Variants in CLEC2A observed in about 807,000 individuals in gnomAD.
The protein encoded by CLEC2A is C-type lectin domain family 2 member A, also known as keratinocyte-associated C-type lectin.
Under a neutral mutation model 18.6 loss-of-function variants are expected in CLEC2A, and 19 were observed. The observed-to-expected ratio is 1.02, with a 90% CI of 0.71 to 1.50. The LOEUF is 1.50. Ranked by LOEUF, CLEC2A falls within the 40% of genes most tolerant of loss-of-function variation. The pLI is 0.00. For missense variants in CLEC2A, 190 were observed against 207.9 expected (o/e 0.91, Z 0.53); for synonymous variants, 74 against 64.0 (o/e 1.16, Z -0.75).
chr12:9,899,095 A>G, intron 4 of CLEC2A: 1 of 557,210 alleles, frequency 1.8e-6, no homozygotes, highest in Non-Finnish European at 3.3e-6. Flanking sequence ...TTGCACAGGG[A>G]GAGGCAGGCG....
intron 4 of CLEC2A, among the ~76,000 whole-genome samples, chr12:9,899,492 G>A (rs1312239472): frequency 1.3e-5 from 2 of 152,196 alleles, no homozygotes; most frequent in Non-Finnish European, 2.9e-5. Flanking sequence ...TTGAGAAAGA[G>A]GGGAGCAGGT....
At chr12:9,928,901 AAAATGTAT>A (rs1863324078) in intron 1 of CLEC2A, among the ~76,000 whole-genome samples, 1 of 152,214 alleles carries the variant, frequency 6.6e-6, no homozygotes, top group African/African-American at 2.4e-5. Context: ...TTGAAGTACA[AAAATGTAT>A]AAGTGTTTTG....
intron 3 of CLEC2A, among the ~76,000 whole-genome samples, chr12:9,919,001 T>C (rs151172964): frequency 6.6e-6 from 1 of 152,318 alleles, no homozygotes; most frequent in East Asian, 1.9e-4. Flanking sequence ...ATCCAGTAGG[T>C]TGCGCTTGGA....
chr12:9,917,168 T>C (rs575164518), intron 3 of CLEC2A, among the ~76,000 whole-genome samples: 50 of 152,360 alleles, frequency 3.3e-4, no homozygotes, highest in Non-Finnish European at 8.8e-5. Context: ...TAGTCACTGC[T>C]CTATTGGCTT....
chr12:9,918,148 T>C (rs1007831043), intron 3 of CLEC2A, among the ~76,000 whole-genome samples: 2 of 152,158 alleles, frequency 1.3e-5, no homozygotes, highest in African/African-American at 4.8e-5. Flanking sequence ...CTATTGCTTT[T>C]GTTGTCTTTG....
At chr12:9,909,654 T>C (rs537744316), downstream of CLEC2A, among the ~76,000 whole-genome samples, 1 of 152,202 alleles carries the variant, frequency 6.6e-6, no homozygotes, top group Non-Finnish European at 1.5e-5. Flanking sequence ...TCAGAGCTGA[T>C]TCCCCAGGGA....
chr12:9,928,228 G>A (rs1465250371), intron 1 of CLEC2A, among the ~76,000 whole-genome samples: 2 of 152,160 alleles, frequency 1.3e-5, no homozygotes, highest in Non-Finnish European at 2.9e-5. Flanking sequence ...CACTTTGGGA[G>A]GCCAAGGAGG....
At chr12:9,906,850 TTC>T (rs1200923281) in intron 4 of CLEC2A, among the ~76,000 whole-genome samples, 1 of 152,214 alleles carries the variant, frequency 6.6e-6, no homozygotes, top group Non-Finnish European at 1.5e-5. Flanking sequence ...AACATATGTG[TTC>T]TCTTTTTAGG....
the CLEC2A span, among the ~76,000 whole-genome samples, chr12:9,880,082 C>T: frequency 6.6e-6 from 1 of 152,098 alleles, no homozygotes; most frequent in Admixed American, 6.6e-5. Context: ...GGAATAGATG[C>T]CACACTACAG....
downstream of CLEC2A, chr12:9,913,158 T>G (rs1293436769): frequency 4.7e-6 from 1 of 214,930 alleles, no homozygotes; most frequent in Non-Finnish European, 8.0e-6. Flanking sequence ...TTTATTACTC[T>G]AGTCTATATA....
chr12:9,932,262 C>G lies in CLEC2A; in HGVS notation c.55+13G>C. The G allele has an allele frequency of 6.5e-7, 1 of 1,533,544 alleles. No individual in the cohort carries two copies. Among genetic ancestry groups the G allele is most frequent in the Non-Finnish European group, 8.8e-7 (1 of 1,130,410 alleles). The allele number at this position is 1,533,544 out of a possible 1,614,324, so 95.0% of individuals were successfully genotyped here. On this transcript the variant is annotated intron_variant, in intron 1 of 4. Coordinates refer to ENST00000455827, the MANE Select transcript of CLEC2A (RefSeq NM_001130711.2). ...TTCCTTTACTTCCTTCTCATTCACT[C>G]TATAAAACTTACCTATCCGATGTAT...
chr12:9,899,098 G>C, intron 4 of CLEC2A: 1 of 546,890 alleles, frequency 1.8e-6, no homozygotes, highest in Non-Finnish European at 3.4e-6. Flanking sequence ...CACAGGGAGA[G>C]GCAGGCGAAA....
chr12:9,914,198 T>C (rs1029162965), intron 4 of CLEC2A, among the ~76,000 whole-genome samples: 2 of 152,164 alleles, frequency 1.3e-5, no homozygotes, highest in South Asian at 2.1e-4. Context: ...CATACTGCAA[T>C]AGAAACCTAA....
chr12:9,915,305 G>A (rs183658472), intron 4 of CLEC2A, among the ~76,000 whole-genome samples: 7 of 151,958 alleles, frequency 4.6e-5, no homozygotes, highest in Non-Finnish European at 7.4e-5. Flanking sequence ...GATTCCTCAA[G>A]GATCTAGAAC....
downstream of CLEC2A, chr12:9,895,690 T>C (rs1591780764): frequency 2.0e-6 from 3 of 1,526,178 alleles, no homozygotes; most frequent in East Asian, 7.4e-5. Context: ...GTCTCTTAGG[T>C]TTTCAGTGAT....
At chr12:9,905,586 G>C (rs1271722141) in intron 4 of CLEC2A, among the ~76,000 whole-genome samples, 1 of 152,130 alleles carries the variant, frequency 6.6e-6, no homozygotes, top group Non-Finnish European at 1.5e-5. Flanking sequence ...CAAGGCAATG[G>C]GGAGGCATTT....
downstream of CLEC2A, chr12:9,895,931 C>A: frequency 1.7e-6 from 2 of 1,168,012 alleles, no homozygotes; most frequent in African/African-American, 1.6e-5. Context: ...AAAGTTTCTG[C>A]TAACAGACAT....
At chr12:9,926,068 G>A (rs1863266658) in intron 2 of CLEC2A, among the ~76,000 whole-genome samples, 192 bp downstream of exon 2, 1 of 152,182 alleles carries the variant, frequency 6.6e-6, no homozygotes, top group Non-Finnish European at 1.5e-5. Flanking sequence ...TAATTCTATT[G>A]TAAAACTGAG....
chr12:9,885,496 G>A, the CLEC2A span, among the ~76,000 whole-genome samples: 1 of 151,954 alleles, frequency 6.6e-6, no homozygotes, highest in Non-Finnish European at 1.5e-5. Context: ...TTTTAAGGCT[G>A]TGAGCTCAAA....
Sources: allele counts gnomAD v4.1 joint callset (sites outside exome capture counted in the v4.1 genomes callset), GRCh38; gene constraint gnomAD v4.1.1; transcripts MANE v1.5; gene names NCBI Gene and HGNC (gene_info 2026-07-23, HGNC 2026-07-21).